The following EDIL3 variants were observed in gnomAD, a reference collection of about 807,000 sequenced individuals.
EDIL3 encodes EGF like and discoidin domains 3, also known as EGF-like repeat and discoidin I-like domain-containing protein 3.
EDIL3 carries 37 observed loss-of-function variants against 67.4 expected under a neutral mutation model. That is an observed-to-expected ratio of 0.55 (90% CI 0.42 to 0.72). The LOEUF is 0.72. EDIL3 is among the 30% of genes least tolerant of loss of function. The pLI, the probability that EDIL3 is intolerant of heterozygous loss-of-function variation, is 0.00. For missense variants in EDIL3, 527 were observed against 586.3 expected, an observed-to-expected ratio of 0.90 and a Z score of 1.04; for synonymous variants, 195 against 196.3, an observed-to-expected ratio of 0.99 and a Z score of 0.05.
chr5:84,246,560 T>C (rs1744912786), intron 2 of EDIL3, among the ~76,000 whole-genome samples: 1 of 152,222 alleles, frequency 6.6e-6, no homozygotes, highest in African/African-American at 2.4e-5. Flanking sequence ...TTATTCCCTA[T>C]GAATAAGGAC....
intron 2 of EDIL3, among the ~76,000 whole-genome samples, chr5:84,245,871 C>T (rs1317648253): frequency 6.7e-6 from 1 of 148,338 alleles, no homozygotes; most frequent in Non-Finnish European, 1.5e-5. Context: ...ATATTACCTT[C>T]AATTTTCACC....
At chr5:84,097,499 A>T (rs935755339) in intron 6 of EDIL3, among the ~76,000 whole-genome samples, 13 of 152,192 alleles carry the variant, frequency 8.5e-5, no homozygotes, top group African/African-American at 3.1e-4. Context: ...TATAATTCAA[A>T]TGGAGTAGTT....
At chr5:84,177,422 G>A (rs1748940163) in intron 4 of EDIL3, among the ~76,000 whole-genome samples, 2 of 152,124 alleles carry the variant, frequency 1.3e-5, no homozygotes, top group South Asian at 2.1e-4. Flanking sequence ...CCGTGGCAAA[G>A]GTTGAGAGAA....
intron 3 of EDIL3, among the ~76,000 whole-genome samples, chr5:84,209,246 G>T (rs901994667): frequency 1.3e-5 from 2 of 151,234 alleles, no homozygotes; most frequent in African/African-American, 4.9e-5. Context: ...GAGAGGGGAG[G>T]GATAGCATTA....
chr5:84,090,165 C>A (rs956248843), intron 6 of EDIL3, among the ~76,000 whole-genome samples: 2 of 152,146 alleles, frequency 1.3e-5, no homozygotes, highest in Non-Finnish European at 2.9e-5. Flanking sequence ...ATTTTTAGTT[C>A]ATGGAGGAAT....
intron 1 of EDIL3, among the ~76,000 whole-genome samples, chr5:84,338,625 G>T (rs1361242391): frequency 1.3e-5 from 2 of 152,140 alleles, no homozygotes; most frequent in East Asian, 3.9e-4. Flanking sequence ...GGTTAAATAA[G>T]CCTTGTAACA....
intron 1 of EDIL3, among the ~76,000 whole-genome samples, chr5:84,338,448 T>C (rs1209955726): frequency 6.6e-6 from 1 of 152,166 alleles, no homozygotes; most frequent in African/African-American, 2.4e-5. Flanking sequence ...GCCCAAACAA[T>C]CTATAGCAGA....
intron 2 of EDIL3, among the ~76,000 whole-genome samples, chr5:84,235,503 G>A (rs1314586544): frequency 6.6e-6 from 1 of 152,092 alleles, no homozygotes; most frequent in African/African-American, 2.4e-5. Flanking sequence ...TAGTTAGCAT[G>A]TAAACATATA....
In EDIL3 at chr5:84,177,893, T is replaced by A. The variant is rs9293366; in HGVS notation, c.355+2500A>T. Among the ~76,000 whole-genome samples, 411 of 152,286 alleles carry A rather than the reference T, an allele frequency of 2.7e-3. 3 individuals are homozygous for A. The highest frequency in any genetic ancestry group is 9.7e-3 in the African/African-American group (403 of 41,572). On this transcript the variant is annotated intron_variant, in intron 4 of 10. Transcript: ENST00000296591. The stretch of plus-strand genomic sequence containing the variant: ...ATTTGTCACTCCTGTATCATGAAAT[T>A]TAAAGTTCTTTAAATGTCTAGCTAT...
intron 3 of EDIL3, among the ~76,000 whole-genome samples, chr5:84,215,634 T>A (rs1315116527): frequency 6.6e-6 from 1 of 152,180 alleles, no homozygotes. Context: ...ATGTGTGAAC[T>A]TTTTAGAGAC....
chr5:83,968,931 T>A (rs1034873995), intron 9 of EDIL3, among the ~76,000 whole-genome samples: 8 of 151,772 alleles, frequency 5.3e-5, no homozygotes, highest in Non-Finnish European at 7.4e-5. Context: ...TGTAGAAAAA[T>A]TTATTATTAG....
At chr5:84,197,488 C>T (rs577623328) in intron 3 of EDIL3, among the ~76,000 whole-genome samples, 12 of 151,874 alleles carry the variant, frequency 7.9e-5, no homozygotes, top group African/African-American at 2.7e-4. Context: ...AGTGAAACCC[C>T]GTCTCTACTA....
chr5:84,070,606 A>AGAGT (rs1182419976), intron 6 of EDIL3, among the ~76,000 whole-genome samples: 1 of 144,652 alleles, frequency 6.9e-6, no homozygotes, highest in African/African-American at 2.6e-5. Flanking sequence ...TATGGTTAAG[A>AGAGT]GTGTGTGTGT....
intron 1 of EDIL3, among the ~76,000 whole-genome samples, chr5:84,278,097 T>C (rs906184048): frequency 3.3e-5 from 5 of 152,136 alleles, no homozygotes; most frequent in Non-Finnish European, 5.9e-5. Flanking sequence ...ATTTTATAAA[T>C]GGAAAGTTAG....
intron 10 of EDIL3, among the ~76,000 whole-genome samples, chr5:83,952,287 T>C (rs1048413304): frequency 6.6e-6 from 1 of 151,812 alleles, no homozygotes; most frequent in African/African-American, 2.4e-5. Context: ...GTAGGTAGGA[T>C]ACACCACCAT....
intron 2 of EDIL3, among the ~76,000 whole-genome samples, chr5:84,251,458 A>G (rs1745024941): frequency 6.6e-6 from 1 of 151,748 alleles, no homozygotes; most frequent in Non-Finnish European, 1.5e-5. Context: ...GTCTTTAGTA[A>G]TCTAATGTTT....
Position 84,106,755 on chromosome 5 carries a change from G to C in EDIL3, c.545C>G (p.Ala182Gly), listed in dbSNP as rs761564411. The change falls in exon 6 of 11, where the codon GCT (alanine) becomes GGT (glycine). Residue 182 changes from alanine (A) to glycine (G), a missense_variant. Around this residue, in one of 2 missense-constraint regions of EDIL3, gnomAD observed 494 missense variants for 522.5 expected, o/e 0.95. Transcript: ENST00000296591. ...ATACCATTTTTGGAGTCCAAAAAGA[G>C]CTCGGTGAGTAGAGGAAGCTGTGAT... ...QQITASSTHRALFGLQKWYPY... is the reference protein window; with the variant it reads ...QQITASSTHRGLFGLQKWYPY... 4 of 1,613,566 alleles carry C rather than the reference G, an allele frequency of 2.5e-6. No homozygotes were observed. Among genetic ancestry groups the C allele is most frequent in the Admixed American group, 1.7e-5 (1 of 59,956 alleles).
In EDIL3 at chr5:83,941,365, A is replaced by G. The variant is rs761064324; in HGVS notation, c.*2054T>C. On this transcript the variant is annotated 3_prime_UTR_variant, in exon 11 of 11. Transcript: ENST00000296591. ...CTTGGAAAATATTTTTAAAACAGGT[A>G]TCAATAGAAAAAATTACAAAACATC... The G allele has an allele frequency of 4.6e-5, 7 of 152,086 alleles. No individual in the cohort carries two copies. Among genetic ancestry groups the G allele is most frequent in the Non-Finnish European group, 1.0e-4 (7 of 67,940 alleles). 9.4% of individuals were successfully genotyped at this position (152,086 alleles called of 1,614,324 possible).
At position 84,180,381 on chromosome 5, in the gene EDIL3, T is replaced by C. The variant is rs200095640; in HGVS notation, c.355+12A>G. The C allele has an allele frequency of 5.2e-4, 821 of 1,576,818 alleles. No individual in the cohort carries two copies. The highest frequency in any genetic ancestry group is 1.1e-3 in the Admixed American group (56 of 52,030). On this transcript the variant is annotated intron_variant, in intron 4 of 10. Coordinates refer to ENST00000296591, the MANE Select transcript of EDIL3 (RefSeq NM_005711.5). Reference sequence around the variant, plus strand: ...AATAATAATAAAAGTACAATGACTATGAATAACTTACTGTGCTGACAGTGA... The same window carrying C: ...AATAATAATAAAAGTACAATGACTACGAATAACTTACTGTGCTGACAGTGA...
Sources: allele counts gnomAD v4.1 joint callset (sites outside exome capture counted in the v4.1 genomes callset), GRCh38; gene constraint gnomAD v4.1.1; regional missense constraint gnomAD v4.1.1; transcripts MANE v1.5; gene names NCBI Gene and HGNC (gene_info 2026-07-23, HGNC 2026-07-21).